Variants in RAD51B observed in about 807,000 individuals in gnomAD.
RAD51B encodes the protein RAD51 paralog B, also known as DNA repair protein RAD51 homolog 2.
Under a neutral mutation model 42.2 loss-of-function variants are expected in RAD51B, and 38 were observed. That is an observed-to-expected ratio of 0.90 (90% CI 0.70 to 1.18). RAD51B has a LOEUF of 1.18. Ranked by LOEUF, RAD51B falls within the 50% of genes most tolerant of loss-of-function variation. The probability of loss-of-function intolerance (pLI) is 0.00; values close to 1 mark genes in which losing one functional copy is unlikely to be tolerated. For synonymous variants in RAD51B, 154 were observed against 145.2 expected, an observed-to-expected ratio of 1.06 and a Z score of -0.43; for missense variants, 373 against 400.7, an observed-to-expected ratio of 0.93 and a Z score of 0.59.
At chr14:68,566,298 C>T (rs182482771) in intron 10 of RAD51B, among the ~76,000 whole-genome samples, 10 of 152,336 alleles carry the variant, frequency 6.6e-5, no homozygotes, top group Admixed American at 1.3e-4. Flanking sequence ...CTATCTTCAG[C>T]TCTTACACTC....
intron 7 of RAD51B, among the ~76,000 whole-genome samples, chr14:67,959,507 A>G (rs1278557659): frequency 2.0e-5 from 3 of 152,088 alleles, no homozygotes; most frequent in Admixed American, 6.6e-5. Context: ...TCAGCCTCCC[A>G]AAGTGCTGGG....
At chr14:68,597,396 A>G (rs143332766), downstream of RAD51B, among the ~76,000 whole-genome samples, 86 of 152,262 alleles carry the variant, frequency 5.6e-4, no homozygotes, top group Non-Finnish European at 1.2e-3. Context: ...TTTCCCTATA[A>G]AATGAGACTC....
intron 7 of RAD51B, among the ~76,000 whole-genome samples, chr14:68,006,312 T>C (rs916176334): frequency 2.6e-5 from 4 of 152,226 alleles, no homozygotes; most frequent in Non-Finnish European, 5.9e-5. Context: ...TGGGTATATT[T>C]TTATTAGTTA....
At chr14:68,371,437 GAA>G (rs1428803473) in intron 8 of RAD51B, among the ~76,000 whole-genome samples, 1 of 152,152 alleles carries the variant, frequency 6.6e-6, no homozygotes, top group East Asian at 1.9e-4. Context: ...AGAATTGCTT[GAA>G]CGCGGGAGGC....
Position 68,549,579 on chromosome 14 carries a change from C to CACAAA in RAD51B, c.1037-44906_1037-44905insACAAA, listed in dbSNP as rs1888423604. On this transcript the variant is annotated intron_variant, in intron 10 of 10. Transcript: ENST00000487270. ...TACAGGCGCGCGCCACCATGCCCGG[C>CACAAA]TAATTTTTGTATTTTTAGTAGAGAC... 4.0e-5 allele frequency among the ~76,000 whole-genome samples: 6 copies of CACAAA among 150,672 alleles called. No individual in the cohort carries two copies. The South Asian group carries it at 1.3e-3, about 32-fold the overall frequency.
chr14:67,893,482 A>C (rs2043284087), intron 7 of RAD51B, among the ~76,000 whole-genome samples: 1 of 66,006 alleles, frequency 1.5e-5, no homozygotes, highest in African/African-American at 8.4e-5. Flanking sequence ...ACACACACAC[A>C]CACACACACA....
chr14:68,405,230 A>T (rs2084232716), intron 8 of RAD51B, among the ~76,000 whole-genome samples: 1 of 152,214 alleles, frequency 6.6e-6, no homozygotes, highest in Admixed American at 6.5e-5. Flanking sequence ...GTACCTTAAA[A>T]AATATTGCCT....
At chr14:68,263,290 C>T (rs763331134) in intron 7 of RAD51B, among the ~76,000 whole-genome samples, 14 of 152,188 alleles carry the variant, frequency 9.2e-5, no homozygotes, top group Non-Finnish European at 1.8e-4. Context: ...GACTCTGTTA[C>T]ATATGACAAA....
chr14:68,307,852 C>G (rs2139714660), intron 8 of RAD51B, among the ~76,000 whole-genome samples: 1 of 152,306 alleles, frequency 6.6e-6, no homozygotes, highest in South Asian at 2.1e-4. Flanking sequence ...ACCCTCCTTG[C>G]CAACCTAGCT....
intron 10 of RAD51B, among the ~76,000 whole-genome samples, chr14:68,624,212 G>C (rs1178333343): frequency 6.6e-6 from 1 of 152,192 alleles, no homozygotes; most frequent in Non-Finnish European, 1.5e-5. Context: ...TGTTTGATGG[G>C]TGTAGAACCA....
chr14:68,221,512 T>A (rs542947965), intron 7 of RAD51B, among the ~76,000 whole-genome samples: 2 of 152,336 alleles, frequency 1.3e-5, no homozygotes, highest in South Asian at 4.1e-4. Context: ...AACTGGATCC[T>A]CATCTCTAAC....
chr14:68,648,674 A>AACAC (rs35200852), intron 10 of RAD51B, among the ~76,000 whole-genome samples: 1,452 of 143,698 alleles, frequency 0.01, 19 homozygotes, highest in African/African-American at 0.025. Flanking sequence ...AAAGCACACA[A>AACAC]ACACACACAC....
chr14:68,174,581 G>A (rs746073432), intron 7 of RAD51B, among the ~76,000 whole-genome samples: 3 of 152,098 alleles, frequency 2.0e-5, no homozygotes, highest in Non-Finnish European at 2.9e-5. Flanking sequence ...TGGAAATACT[G>A]AACAATGCTG....
intron 7 of RAD51B, among the ~76,000 whole-genome samples, chr14:68,029,087 G>T (rs1398968950): frequency 6.6e-6 from 1 of 152,168 alleles, no homozygotes; most frequent in Admixed American, 6.5e-5. Flanking sequence ...AGCTGTTCAG[G>T]GCTGGGAAGT....
chr14:67,986,252 T>G (rs555281053), intron 7 of RAD51B, among the ~76,000 whole-genome samples: 77 of 152,348 alleles, frequency 5.1e-4, no homozygotes, highest in African/African-American at 1.8e-3. Context: ...TCAAAAGTTC[T>G]TACATATCCC....
At chr14:67,880,956 T>C (rs984400446) in intron 5 of RAD51B, among the ~76,000 whole-genome samples, 3 of 152,246 alleles carry the variant, frequency 2.0e-5, no homozygotes, top group Non-Finnish European at 4.4e-5. Flanking sequence ...GGCAATTTCA[T>C]TGTTGTATGA....
intron 7 of RAD51B, among the ~76,000 whole-genome samples, chr14:68,200,071 C>T (rs1048620410): frequency 1.1e-4 from 16 of 152,154 alleles, no homozygotes; most frequent in East Asian, 1.9e-4. Flanking sequence ...GTAGAAAATG[C>T]GGAGAATTAA....
rs570284441 is a variant in RAD51B at position 68,462,442 on chromosome 14, G to A, written c.958-5730G>A. On this transcript the variant is annotated intron_variant, in intron 9 of 10. Transcript: ENST00000471583. ...TTGTGGATTGAATAAGTGCATGGAT[G>A]GGTGGGTGGATGGCACAAATAACGA... is the stretch of plus-strand genomic sequence containing the variant. Among the ~76,000 whole-genome samples the A allele has an allele frequency of 2.0e-5, 3 of 152,342 alleles. No individual in the cohort carries two copies. The East Asian group carries it at 5.8e-4, about 29-fold the overall frequency.
intron 8 of RAD51B, among the ~76,000 whole-genome samples, chr14:68,402,796 A>C (rs1346580556): frequency 2.6e-5 from 4 of 152,186 alleles, no homozygotes; most frequent in Non-Finnish European, 4.4e-5. Flanking sequence ...CCAAAGACTC[A>C]AAGTTTTTTA....
Sources: allele counts gnomAD v4.1 joint callset (sites outside exome capture counted in the v4.1 genomes callset), GRCh38; gene constraint gnomAD v4.1.1; transcripts MANE v1.5; gene names NCBI Gene and HGNC (gene_info 2026-07-23, HGNC 2026-07-21).